EPHA6: variants seen among roughly 807,000 people sequenced by gnomAD.
EPHA6 encodes the protein ephrin type-A receptor 6.
EPHA6 carries 50 observed loss-of-function variants against 112.0 expected under a neutral mutation model. The observed-to-expected ratio is 0.45, with a 90% CI of 0.36 to 0.56. The LOEUF (loss-of-function observed/expected upper bound fraction) is 0.56, where lower values mean the gene tolerates loss of function less well. Ranked by LOEUF, EPHA6 falls within the 20% of genes least tolerant of loss-of-function variation. EPHA6 has a pLI of 0.00. For synonymous variants in EPHA6, 529 were observed against 490.7 expected (o/e 1.08, Z -1.03); for missense variants, 1,280 against 1,417.4 (o/e 0.90, Z 1.56).
At chr3:96,913,208 A>C (rs1191524414) in intron 2 of EPHA6, among the ~76,000 whole-genome samples, 2 of 117,574 alleles carry the variant, frequency 1.7e-5, no homozygotes, top group South Asian at 6.1e-4. Context: ...ACACACACAC[A>C]CACACCACAC....
At chr3:97,348,403 G>A (rs1309748485) in intron 5 of EPHA6, among the ~76,000 whole-genome samples, 1 of 151,868 alleles carries the variant, frequency 6.6e-6, no homozygotes, top group Non-Finnish European at 1.5e-5. Flanking sequence ...GCAGAAATAA[G>A]TATCAGATCT....
At chr3:97,528,951 T>C (rs1256029116) in intron 10 of EPHA6, among the ~76,000 whole-genome samples, 1 of 152,158 alleles carries the variant, frequency 6.6e-6, no homozygotes, top group East Asian at 1.9e-4. Flanking sequence ...GTGATTTTTC[T>C]AGACCATCTA....
At chr3:96,866,915 CTG>C (rs2036347947) in intron 2 of EPHA6, 26 bp downstream of exon 2, 1 of 1,361,898 alleles carries the variant, frequency 7.3e-7, no homozygotes, top group Non-Finnish European at 9.8e-7. Flanking sequence ...TGAAAAATTG[CTG>C]TCTTTTTTAG....
chr3:96,975,659 C>T (rs74784839), intron 2 of EPHA6, among the ~76,000 whole-genome samples: 4,456 of 152,212 alleles, frequency 0.029, 218 homozygotes, highest in African/African-American at 0.099. Flanking sequence ...CCTTGGAGTA[C>T]AAATCATTCT....
intron 1 of EPHA6, among the ~76,000 whole-genome samples, chr3:96,818,076 T>C (rs1176282633): frequency 1.3e-5 from 2 of 151,962 alleles, no homozygotes; most frequent in Admixed American, 6.5e-5. Context: ...ATTTTCCCTG[T>C]ATTTAAAACC....
At chr3:97,194,959 A>G (rs1181903571) in intron 3 of EPHA6, among the ~76,000 whole-genome samples, 1 of 151,858 alleles carries the variant, frequency 6.6e-6, no homozygotes, top group African/African-American at 2.4e-5. Context: ...TTACACGTGA[A>G]GTGTGTTTCT....
intron 2 of EPHA6, among the ~76,000 whole-genome samples, chr3:96,954,218 A>G (rs1176621739): frequency 6.6e-6 from 1 of 152,124 alleles, no homozygotes; most frequent in Non-Finnish European, 1.5e-5. Context: ...TTGCCTCAAG[A>G]CAGCCAGCGG....
intron 3 of EPHA6, among the ~76,000 whole-genome samples, chr3:97,127,719 A>G (rs1237761758): frequency 6.6e-6 from 1 of 151,434 alleles, no homozygotes; most frequent in East Asian, 1.9e-4. Flanking sequence ...TGTCTCAAAA[A>G]AAAAAAAAAA....
chr3:97,365,014 G>T (rs1013848516), intron 5 of EPHA6, among the ~76,000 whole-genome samples: 2 of 152,088 alleles, frequency 1.3e-5, no homozygotes, highest in African/African-American at 4.8e-5. Context: ...TAGGAGAATT[G>T]CATGTTAACA....
At chr3:96,965,462 A>G (rs982100267) in intron 2 of EPHA6, among the ~76,000 whole-genome samples, 7 of 152,090 alleles carry the variant, frequency 4.6e-5, no homozygotes, top group Non-Finnish European at 8.8e-5. Context: ...TGTTATTTCA[A>G]CTTACTTCTG....
intron 5 of EPHA6, among the ~76,000 whole-genome samples, chr3:97,297,485 G>T (rs2080914972): frequency 1.3e-5 from 2 of 151,992 alleles, no homozygotes; most frequent in Admixed American, 6.5e-5. Context: ...TTTAATTAAA[G>T]AAATATGACT....
At chr3:97,259,184 T>C (rs192124978) in intron 5 of EPHA6, among the ~76,000 whole-genome samples, 1 of 152,168 alleles carries the variant, frequency 6.6e-6, no homozygotes, top group Admixed American at 6.5e-5. Flanking sequence ...TTTTGAAAAA[T>C]AAAAAATACA....
intron 2 of EPHA6, among the ~76,000 whole-genome samples, chr3:96,977,929 C>T (rs375878319): frequency 6.6e-6 from 1 of 152,080 alleles, no homozygotes; most frequent in South Asian, 2.1e-4. Flanking sequence ...GAGGCCAAGG[C>T]AGGTGTATCA....
intron 14 of EPHA6, among the ~76,000 whole-genome samples, chr3:97,689,894 T>C (rs1359561563): frequency 6.6e-6 from 1 of 152,236 alleles, no homozygotes; most frequent in Non-Finnish European, 1.5e-5. Flanking sequence ...CATGGTCTTT[T>C]GTGACTTGCT....
intron 5 of EPHA6, among the ~76,000 whole-genome samples, chr3:97,391,938 T>A (rs974005841): frequency 6.6e-6 from 1 of 151,818 alleles, no homozygotes; most frequent in African/African-American, 2.4e-5. Context: ...CAGAAAAATA[T>A]TTTTTTCTTT....
chr3:97,634,985 AT>A (rs926985410), intron 13 of EPHA6, among the ~76,000 whole-genome samples: 4 of 151,944 alleles, frequency 2.6e-5, no homozygotes, highest in African/African-American at 9.7e-5. Context: ...TCAGAGAAGA[AT>A]ATGAGAATAC....
chr3:97,208,582 C>T (rs1471845355), intron 3 of EPHA6, among the ~76,000 whole-genome samples: 1 of 151,882 alleles, frequency 6.6e-6, no homozygotes, highest in Non-Finnish European at 1.5e-5. Flanking sequence ...CCCGTCTCTA[C>T]TAAAATACAA....
intron 3 of EPHA6, among the ~76,000 whole-genome samples, chr3:97,199,051 A>C (rs533995810): frequency 6.6e-6 from 1 of 152,272 alleles, no homozygotes. Flanking sequence ...TAGAACACCA[A>C]GTACCTTGAA....
Position 96,987,878 on chromosome 3 carries a change from T to C in EPHA6, c.999T>C (p.Ser333=). 6.2e-7 allele frequency: 1 copy of C among 1,613,824 alleles called. No homozygotes were observed. Among genetic ancestry groups the C allele is most frequent in the Non-Finnish European group, 8.5e-7 (1 of 1,179,826 alleles). Residue 333 remains serine, a synonymous_variant, in exon 3 of 18, where the codon AGT becomes AGC. Transcript: ENST00000389672. ...AAGTACGGGGTTCTTGTGTGAAGAG[T>C]GCTGAAGAGCGTGACACTCCTAAAC... ...LVEVRGSCVK[S]AEERDTPKLY...
Sources: allele counts gnomAD v4.1 joint callset (sites outside exome capture counted in the v4.1 genomes callset), GRCh38; gene constraint gnomAD v4.1.1; transcripts MANE v1.5; gene names NCBI Gene and HGNC (gene_info 2026-07-23, HGNC 2026-07-21).